The following LSAMP variants were observed in gnomAD, a reference collection of about 807,000 sequenced individuals.
LSAMP encodes the protein limbic system-associated membrane protein.
A neutral mutation model predicts 38.6 loss-of-function variants in LSAMP; 7 were observed. That is an observed-to-expected ratio of 0.18 (90% CI 0.10 to 0.34). The LOEUF is 0.34. LSAMP is among the 10% of genes least tolerant of loss of function. The pLI, the probability that LSAMP is intolerant of heterozygous loss-of-function variation, is 1.00. For synonymous variants in LSAMP, 154 were observed against 166.8 expected (o/e 0.92, Z 0.59); for missense variants, 313 against 420.0 (o/e 0.75, Z 2.23).
At chr3:116,016,012 C>T (rs1940470826) in intron 3 of LSAMP, among the ~76,000 whole-genome samples, 2 of 114,274 alleles carry the variant, frequency 1.8e-5, no homozygotes, top group Non-Finnish European at 3.5e-5. Flanking sequence ...ACAAAGCTAA[C>T]CATTTTTTTT....
intron 1 of LSAMP, among the ~76,000 whole-genome samples, chr3:116,376,785 A>G (rs2048499429): frequency 6.6e-6 from 1 of 152,078 alleles, no homozygotes; most frequent in Non-Finnish European, 1.5e-5. Flanking sequence ...ATAATTCATC[A>G]CTTACTGCCA....
intron 1 of LSAMP, among the ~76,000 whole-genome samples, chr3:116,404,305 C>G (rs923435577): frequency 6.6e-6 from 1 of 152,116 alleles, no homozygotes; most frequent in Non-Finnish European, 1.5e-5. Flanking sequence ...TTAGAATTCT[C>G]TCTGTTTTTA....
At position 116,004,966 on chromosome 3, in the gene LSAMP, C is replaced by T. The variant is rs374966718; in HGVS notation, c.514+14549G>A. Among the ~76,000 whole-genome samples, 6 of 152,228 alleles carry T rather than the reference C, an allele frequency of 3.9e-5. No individual in the cohort carries two copies. The East Asian group carries it at 9.7e-4, about 24-fold the overall frequency. ...TGCAGAGTACCTGGGACAAGACTGA[C>T]ATGAAGTAGGGACCCCAATTGACAC... On this transcript the variant is annotated intron_variant, in intron 3 of 6. Transcript: ENST00000490035.
chr3:116,288,741 G>C (rs557080480), intron 1 of LSAMP, among the ~76,000 whole-genome samples: 2 of 152,244 alleles, frequency 1.3e-5, no homozygotes, highest in Non-Finnish European at 2.9e-5. Context: ...TCCTGGCATA[G>C]ACAGTGAGAA....
chr3:116,142,687 C>G (rs1709396785), intron 1 of LSAMP, among the ~76,000 whole-genome samples: 1 of 152,004 alleles, frequency 6.6e-6, no homozygotes, highest in African/African-American at 2.4e-5. Flanking sequence ...TTAAAATCCT[C>G]TCATCATTTT....
intron 1 of LSAMP, among the ~76,000 whole-genome samples, chr3:116,276,312 T>C (rs990328451): frequency 7.2e-5 from 11 of 152,222 alleles, no homozygotes; most frequent in Admixed American, 6.5e-4. Flanking sequence ...GATCAGTCTT[T>C]GCACAATTAG....
chr3:115,812,057 A>G (rs1211186967), intron 6 of LSAMP, among the ~76,000 whole-genome samples: 1 of 152,248 alleles, frequency 6.6e-6, no homozygotes, highest in East Asian at 1.9e-4. Flanking sequence ...GGTTTGATTA[A>G]AATGGTCAGC....
intron 2 of LSAMP, among the ~76,000 whole-genome samples, chr3:116,073,395 T>C (rs1429310986): frequency 6.6e-6 from 1 of 152,204 alleles, no homozygotes; most frequent in African/African-American, 2.4e-5. Flanking sequence ...CTTGGCTATT[T>C]GGGCTCTTTT....
At chr3:115,821,876 A>G (rs953190159) in intron 6 of LSAMP, among the ~76,000 whole-genome samples, 2 of 152,218 alleles carry the variant, frequency 1.3e-5, no homozygotes, top group African/African-American at 4.8e-5. Flanking sequence ...AGATTCTGCC[A>G]TGGAAATTTA....
At chr3:116,341,875 A>C (rs1273651965) in intron 1 of LSAMP, among the ~76,000 whole-genome samples, 1 of 151,968 alleles carries the variant, frequency 6.6e-6, no homozygotes, top group East Asian at 1.9e-4. Context: ...AAAGAAATGG[A>C]ATGATGTATT....
At position 115,930,918 on chromosome 3, in the gene LSAMP, A is replaced by T. The variant is rs1009456633; in HGVS notation, c.515-78301T>A. Among the ~76,000 whole-genome samples, 4 of 152,318 alleles carry T rather than the reference A, an allele frequency of 2.6e-5. No homozygotes were observed. The South Asian group carries it at 8.3e-4, about 32-fold the overall frequency. ...TGGCATATTTACTTTTATTTTTTCT[A>T]TCACATTTTATAAAAACAAGATAAA... On this transcript the variant is annotated intron_variant, in intron 3 of 6. Coordinates refer to ENST00000490035, the MANE Select transcript of LSAMP (RefSeq NM_002338.5).
intron 3 of LSAMP, among the ~76,000 whole-genome samples, chr3:115,945,998 C>T (rs1399669443): frequency 6.6e-6 from 1 of 152,098 alleles, no homozygotes; most frequent in African/African-American, 2.4e-5. Flanking sequence ...TAGAGCATCC[C>T]TTGAAAACTC....
chr3:115,850,046 G>A (rs1031868971), intron 4 of LSAMP, among the ~76,000 whole-genome samples: 1 of 152,170 alleles, frequency 6.6e-6, no homozygotes, highest in Non-Finnish European at 1.5e-5. Context: ...ACTCATTATA[G>A]TTTTCCATAT....
In LSAMP at chr3:115,804,805, A is replaced by G. The variant is rs929133264; in HGVS notation, c.*5512T>C. 6.6e-6 allele frequency: 1 copy of G among 152,184 alleles called. No homozygotes were observed. Among genetic ancestry groups the G allele is most frequent in the African/African-American group, 2.4e-5 (1 of 41,448 alleles). The allele number at this position is 152,184 out of a possible 1,614,324, so 9.4% of individuals were successfully genotyped here. A position where few individuals can be genotyped will look rare whatever the true frequency, so the allele number is the denominator to read the frequency against. On this transcript the variant is annotated 3_prime_UTR_variant, in exon 7 of 7. Transcript: ENST00000490035. ...AAGACTCCAAGAGAACATGCCTGAG[A>G]AAGATAACTCCCAATTAAAAATGAT...
chr3:116,211,557 A>G (rs918387043), intron 1 of LSAMP, among the ~76,000 whole-genome samples: 5 of 152,216 alleles, frequency 3.3e-5, no homozygotes, highest in African/African-American at 1.2e-4. Context: ...ATACAGAAAT[A>G]TGGGAAAGGC....
intron 1 of LSAMP, among the ~76,000 whole-genome samples, chr3:116,140,370 G>A (rs1298316853): frequency 6.6e-6 from 1 of 151,750 alleles, no homozygotes; most frequent in Non-Finnish European, 1.5e-5. Context: ...ACACATGAAT[G>A]GACAATCACA....
At chr3:115,859,680 G>A (rs1251830772) in intron 3 of LSAMP, among the ~76,000 whole-genome samples, 3 of 152,198 alleles carry the variant, frequency 2.0e-5, no homozygotes, top group Non-Finnish European at 4.4e-5. Flanking sequence ...CTCTATGAAT[G>A]AGCATGGGCC....
intron 3 of LSAMP, among the ~76,000 whole-genome samples, chr3:115,899,293 G>C (rs1320608091): frequency 6.6e-6 from 1 of 152,012 alleles, no homozygotes; most frequent in African/African-American, 2.4e-5. Flanking sequence ...GTCCTTATTT[G>C]CATCAGATTT....
At chr3:116,009,166 C>A (rs970683493) in intron 3 of LSAMP, among the ~76,000 whole-genome samples, 2 of 152,058 alleles carry the variant, frequency 1.3e-5, no homozygotes, top group Non-Finnish European at 2.9e-5. Flanking sequence ...GTGGGACTTA[C>A]CTAGGTGTTT....
Sources: gnomAD v4.1 joint callset for allele counts (sites outside exome capture counted in the v4.1 genomes callset) on GRCh38, gnomAD v4.1.1 for gene constraint, MANE v1.5 for transcripts, NCBI Gene and HGNC (gene_info 2026-07-23, HGNC 2026-07-21) for gene names.